PPP1R9A: variants seen among roughly 807,000 people sequenced by gnomAD.
PPP1R9A encodes protein phosphatase 1 regulatory subunit 9A.
PPP1R9A carries 59 observed loss-of-function variants against 141.9 expected under a neutral mutation model. The ratio of observed to expected loss-of-function variants is 0.42; its 90% CI spans 0.34 to 0.52. The LOEUF (loss-of-function observed/expected upper bound fraction) is 0.52, where lower values mean the gene tolerates loss of function less well. Ranked by LOEUF, PPP1R9A falls within the 20% of genes least tolerant of loss-of-function variation. PPP1R9A has a pLI of 0.10. For synonymous variants in PPP1R9A, 500 were observed against 569.7 expected (o/e 0.88, Z 1.74); for missense variants, 1,444 against 1,611.9 (o/e 0.90, Z 1.78).
At chr7:95,072,541 T>C (rs28496809) in intron 2 of PPP1R9A, among the ~76,000 whole-genome samples, 67,454 of 136,950 alleles carry the variant, frequency 0.49, 17,583 homozygotes, top group African/African-American at 0.62. Context: ...TTCATGCTAT[T>C]ACGGTGTCTG....
At chr7:95,201,918 T>C (rs1477254623) in intron 6 of PPP1R9A, among the ~76,000 whole-genome samples, 3 of 152,192 alleles carry the variant, frequency 2.0e-5, no homozygotes, top group African/African-American at 7.2e-5. Context: ...GAGCCAGCTC[T>C]TAGTCAGCAT....
Position 95,242,800 on chromosome 7 carries a change from A to G in PPP1R9A, c.2113-4673A>G, listed in dbSNP as rs1221399305. Among the ~76,000 whole-genome samples, 3 of 152,008 alleles carry G rather than the reference A, an allele frequency of 2.0e-5. No individual in the cohort carries two copies. In the East Asian group the frequency reaches 5.8e-4, roughly 29 times the overall value. ...AGTCCTTAACCTTTTCTTTTTATTT[A>G]TGCCCTCCTAATCCCAACTCTTTTC... On this transcript the variant is annotated intron_variant, in intron 8 of 19. Coordinates refer to ENST00000433360, the MANE Select transcript of PPP1R9A (RefSeq NM_001166160.2).
In PPP1R9A at chr7:95,000,826, C is replaced by A. The variant is rs544723623; in HGVS notation, c.1395+89318C>A. Among the ~76,000 whole-genome samples the A allele has an allele frequency of 2.6e-5, 4 of 152,196 alleles. No homozygotes were observed. In the South Asian group the frequency reaches 8.3e-4, roughly 32 times the overall value. On this transcript the variant is annotated intron_variant, in intron 2 of 19. Transcript: ENST00000433360. ...TGATTCTACACTATCTCTGAATATT[C>A]TCTTTCAAAAAAGGATACATAATCT...
intron 4 of PPP1R9A, among the ~76,000 whole-genome samples, chr7:95,133,567 C>T (rs991791701): frequency 2.5e-4 from 34 of 135,408 alleles, no homozygotes; most frequent in African/African-American, 6.1e-4. Context: ...TATTGTTTTA[C>T]GAGTATGTTG....
chr7:94,947,489 C>G (rs764512693), intron 2 of PPP1R9A, among the ~76,000 whole-genome samples: 2 of 152,100 alleles, frequency 1.3e-5, no homozygotes, highest in Non-Finnish European at 2.9e-5. Flanking sequence ...GAAGAGTGAG[C>G]TCTGCCTCAT....
At chr7:95,022,617 G>A (rs1806151083) in intron 2 of PPP1R9A, among the ~76,000 whole-genome samples, 1 of 152,134 alleles carries the variant, frequency 6.6e-6, no homozygotes, top group African/African-American at 2.4e-5. Context: ...CTATGGGTTT[G>A]TCACAAATAG....
intron 8 of PPP1R9A, among the ~76,000 whole-genome samples, chr7:95,245,939 G>C (rs1477626518): frequency 2.0e-5 from 3 of 152,178 alleles, no homozygotes; most frequent in Admixed American, 6.5e-5. Context: ...CAGGAAGAAT[G>C]TAAGCAGTGT....
intron 4 of PPP1R9A, among the ~76,000 whole-genome samples, chr7:95,160,160 A>G (rs759909645): frequency 1.2e-4 from 19 of 152,234 alleles, no homozygotes; most frequent in Admixed American, 7.2e-4. Context: ...GCTCATAAAC[A>G]TAAGTATGAA....
chr7:95,273,290 A>C (rs1802510647), intron 14 of PPP1R9A, among the ~76,000 whole-genome samples: 1 of 152,158 alleles, frequency 6.6e-6, no homozygotes, highest in Non-Finnish European at 1.5e-5. Context: ...TCAAAGATAT[A>C]AATGTTTTGT....
At chr7:95,047,706 G>C (rs1348352465) in intron 2 of PPP1R9A, among the ~76,000 whole-genome samples, 1 of 152,152 alleles carries the variant, frequency 6.6e-6, no homozygotes, top group Non-Finnish European at 1.5e-5. Context: ...ACTTTTGCCA[G>C]TTATAGAGAG....
intron 5 of PPP1R9A, among the ~76,000 whole-genome samples, chr7:95,177,161 G>T (rs2152773365): frequency 6.6e-6 from 1 of 152,212 alleles, no homozygotes; most frequent in Admixed American, 6.5e-5. Flanking sequence ...CAGATTAATG[G>T]CAGACTTCTC....
chr7:95,127,063 C>A (rs774773082), intron 4 of PPP1R9A, among the ~76,000 whole-genome samples: 18 of 152,038 alleles, frequency 1.2e-4, no homozygotes, highest in Non-Finnish European at 2.1e-4. Flanking sequence ...TCACAGTTTA[C>A]CTCCATAAAA....
At chr7:95,068,545 T>C (rs766816553) in intron 2 of PPP1R9A, among the ~76,000 whole-genome samples, 1 of 142,912 alleles carries the variant, frequency 7.0e-6, no homozygotes, top group Non-Finnish European at 1.5e-5. Context: ...AACTTCCAAA[T>C]AGCCTGGGTT....
intron 2 of PPP1R9A, among the ~76,000 whole-genome samples, chr7:94,914,841 GAAGT>G (rs1185812443): frequency 6.6e-6 from 1 of 152,176 alleles, no homozygotes; most frequent in Non-Finnish European, 1.5e-5. Context: ...AGGAGCTGAT[GAAGT>G]AAGGAGCTGC....
chr7:94,969,941 C>T (rs1798673692), intron 2 of PPP1R9A, among the ~76,000 whole-genome samples: 1 of 152,138 alleles, frequency 6.6e-6, no homozygotes, highest in African/African-American at 2.4e-5. Context: ...GCTTTGTTTA[C>T]ACTGTGAGGG....
intron 5 of PPP1R9A, among the ~76,000 whole-genome samples, chr7:95,196,250 CAATGGA>C (rs984621089): frequency 4.6e-5 from 7 of 151,960 alleles, no homozygotes; most frequent in African/African-American, 1.7e-4. Context: ...GTCATCAGGG[CAATGGA>C]AATTAAAAAC....
rs374007271 is a variant in PPP1R9A, at chr7:94,910,160, C to T, written c.47C>T (p.Ala16Val). The T allele has an allele frequency of 3.7e-6, 6 of 1,613,840 alleles. No homozygotes were observed. The highest frequency in any genetic ancestry group is 4.5e-5 in the East Asian group (2 of 44,868). Residue 16 changes from alanine (A) to valine (V), a missense_variant, in exon 2 of 20, where the codon GCC (alanine) becomes GTC (valine). This residue lies in a region of PPP1R9A where 490 missense variants were observed against 521.1 expected (regional missense o/e 0.94). Transcript: ENST00000433360. This position sits in a 1 kb window ranked among gnomAD's most constrained non-coding sequence, Gnocchi z 4.5. ...GGTGAACGAACCACTCTCAGAAGTG[C>T]CTCTCCTCACAGGAATGCATATCGA... ...SSGERTTLRS[A>V]SPHRNAYRTE...
intron 4 of PPP1R9A, among the ~76,000 whole-genome samples, chr7:95,146,915 T>C (rs1827731737): frequency 6.6e-6 from 1 of 152,220 alleles, no homozygotes; most frequent in Admixed American, 6.5e-5. Flanking sequence ...TAGTATAATT[T>C]GAAGTCAGGT....
intron 2 of PPP1R9A, among the ~76,000 whole-genome samples, chr7:94,978,225 T>G (rs952700144): frequency 2.0e-5 from 3 of 152,232 alleles, no homozygotes; most frequent in African/African-American, 7.2e-5. Context: ...ATAAGATACC[T>G]AGCTAAGGAA....
Sources: allele counts gnomAD v4.1 joint callset (sites outside exome capture counted in the v4.1 genomes callset), GRCh38; gene constraint gnomAD v4.1.1; regional missense constraint gnomAD v4.1.1; non-coding constraint Gnocchi (gnomAD v3.1); transcripts MANE v1.5; gene names NCBI Gene and HGNC (gene_info 2026-07-23, HGNC 2026-07-21).